The following PLD5 variants were observed in gnomAD, a reference collection of about 807,000 sequenced individuals.
PLD5 encodes the protein inactive phospholipase D5.
Under a neutral mutation model 61.1 loss-of-function variants are expected in PLD5, and 36 were observed. That is an observed-to-expected ratio of 0.59 (90% CI 0.45 to 0.78). PLD5 has a LOEUF of 0.78. Among genes scored for constraint, PLD5 ranks in the 30% least tolerant of loss-of-function variants. The pLI, the probability that PLD5 is intolerant of heterozygous loss-of-function variation, is 0.00. For synonymous variants in PLD5, 243 were observed against 242.8 expected (o/e 1.00, Z -0.01); for missense variants, 515 against 644.4 (o/e 0.80, Z 2.17).
chr1:242,129,819 A>G lies in PLD5; in HGVS notation c.736-5154T>C, dbSNP rs147669540. 2.0e-4 allele frequency among the ~76,000 whole-genome samples: 30 copies of G among 152,136 alleles called. No individual in the cohort carries two copies. The East Asian group carries it at 2.5e-3, about 13-fold the overall frequency. ...ATGCTCTCACCCTTCTGAATCTCCA[A>G]TGTCAATTATTCTACTCTCTATGTC... On this transcript the variant is annotated intron_variant, in intron 5 of 9. Coordinates refer to ENST00000536534, the MANE Select transcript of PLD5 (RefSeq NM_001372062.1).
chr1:242,321,916 T>G (rs370252368), intron 2 of PLD5, among the ~76,000 whole-genome samples: 4 of 152,182 alleles, frequency 2.6e-5, no homozygotes, highest in Admixed American at 6.5e-5. Flanking sequence ...GGGATTCTCT[T>G]TTTTAACTGA....
chr1:242,140,492 C>T (rs529320446), intron 5 of PLD5, among the ~76,000 whole-genome samples: 2 of 152,152 alleles, frequency 1.3e-5, no homozygotes, highest in East Asian at 3.9e-4. Context: ...CAAAAATTAG[C>T]CAGGCATGGT....
intron 4 of PLD5, among the ~76,000 whole-genome samples, chr1:242,259,201 G>A (rs1453469188): frequency 2.0e-5 from 3 of 151,966 alleles, no homozygotes; most frequent in Non-Finnish European, 4.4e-5. Flanking sequence ...CCCAGCTACT[G>A]GGGAGGCTGA....
chr1:242,165,986 C>T (rs2148861621), intron 5 of PLD5, among the ~76,000 whole-genome samples: 1 of 152,330 alleles, frequency 6.6e-6, no homozygotes, highest in South Asian at 2.1e-4. Context: ...CGAAGCGCTG[C>T]CCCGCACCAC....
chr1:242,287,049 T>C (rs1462303759), intron 3 of PLD5, among the ~76,000 whole-genome samples: 1 of 152,124 alleles, frequency 6.6e-6, no homozygotes, highest in Non-Finnish European at 1.5e-5. Context: ...CTTCTACCAG[T>C]GGAATAGATT....
chr1:242,127,419 C>T (rs371920249), intron 5 of PLD5, among the ~76,000 whole-genome samples: 9 of 152,120 alleles, frequency 5.9e-5, no homozygotes, highest in African/African-American at 1.7e-4. Context: ...CATCAATCAA[C>T]GAGTGGATAA....
chr1:242,178,610 G>A (rs1005054861), intron 5 of PLD5, among the ~76,000 whole-genome samples: 4 of 152,182 alleles, frequency 2.6e-5, no homozygotes, highest in African/African-American at 2.4e-5. Context: ...AGAGAAGGAT[G>A]TTTGTATTAT....
intron 1 of PLD5, among the ~76,000 whole-genome samples, chr1:242,421,176 CAAAAAAA>C (rs5782234): frequency 1.5e-5 from 1 of 65,154 alleles, no homozygotes; most frequent in South Asian, 5.7e-4. Context: ...GACTCCACCT[CAAAAAAA>C]AAAAAAAAAA....
intron 3 of PLD5, among the ~76,000 whole-genome samples, chr1:242,268,671 T>C (rs1004113556): frequency 6.6e-5 from 10 of 152,200 alleles, no homozygotes; most frequent in Non-Finnish European, 1.5e-4. Flanking sequence ...GTTTCCATAC[T>C]TAGGCTTGAG....
At position 242,421,123 on chromosome 1, in the gene PLD5, T is replaced by C. The variant is rs189406218; in HGVS notation, c.190-72881A>G. On this transcript the variant is annotated intron_variant, in intron 1 of 9. Coordinates refer to ENST00000536534, the MANE Select transcript of PLD5 (RefSeq NM_001372062.1). The stretch of plus-strand genomic sequence containing the variant: ...TGAACCCTGGAGGTGAAGGTTGCAG[T>C]GATCCGAGATCACGCCACTGCACTC... 3.7e-4 allele frequency among the ~76,000 whole-genome samples: 50 copies of C among 134,618 alleles called. 1 individual carries two copies. The East Asian group carries it at 8.6e-3, about 23-fold the overall frequency. 88.3% of individuals were successfully genotyped at this position (134,618 alleles called of 152,430 possible).
upstream of PLD5, among the ~76,000 whole-genome samples, chr1:242,527,056 T>A (rs12045993): frequency 1.3e-4 from 19 of 151,126 alleles, no homozygotes; most frequent in East Asian, 5.8e-4. Context: ...AGATTTTTTT[T>A]AAACTATACC....
rs566298589 is a variant in PLD5 at position 242,299,626 on chromosome 1, A to C, written c.327-11096T>G. On this transcript the variant is annotated intron_variant, in intron 2 of 9. Transcript: ENST00000536534. The stretch of plus-strand genomic sequence containing the variant: ...CAAATTCTGGGTGTTTTTCCCCCCA[A>C]GTCATGAATGTCCTGGGGCATGAGG... 7.9e-5 allele frequency among the ~76,000 whole-genome samples: 12 copies of C among 152,342 alleles called. No individual in the cohort carries two copies. In the South Asian group the frequency reaches 2.3e-3, roughly 29 times the overall value.
chr1:242,148,875 C>T (rs1389429052), intron 5 of PLD5, among the ~76,000 whole-genome samples: 2 of 151,880 alleles, frequency 1.3e-5, no homozygotes, highest in Non-Finnish European at 2.9e-5. Context: ...GATCTTATAT[C>T]ATAAAACTGT....
intron 2 of PLD5, among the ~76,000 whole-genome samples, chr1:242,335,539 G>T (rs59356994): frequency 2.6e-5 from 4 of 152,100 alleles, no homozygotes; most frequent in African/African-American, 9.7e-5. Context: ...TCAGTTACTA[G>T]TAAATAGCAT....
intron 2 of PLD5, among the ~76,000 whole-genome samples, chr1:242,327,375 A>G (rs1402753214): frequency 6.6e-6 from 1 of 152,220 alleles, no homozygotes; most frequent in Non-Finnish European, 1.5e-5. Flanking sequence ...TTCCTTCAGT[A>G]AATGAGTAAA....
intron 1 of PLD5, among the ~76,000 whole-genome samples, chr1:242,423,024 A>T (rs1455413043): frequency 6.6e-6 from 1 of 150,878 alleles, no homozygotes; most frequent in Admixed American, 6.6e-5. Context: ...ATTTTTTTTA[A>T]ATTTTTAGTA....
At chr1:242,253,305 CTTTTTTTTTTT>C (rs1181235404) in intron 4 of PLD5, among the ~76,000 whole-genome samples, 5 of 70,680 alleles carry the variant, frequency 7.1e-5, no homozygotes, top group African/African-American at 1.1e-4. Context: ...CCTCTCTTCA[CTTTTTTTTTTT>C]TTTTTTTTTT....
At chr1:242,148,765 G>C (rs975126500) in intron 5 of PLD5, among the ~76,000 whole-genome samples, 1 of 151,614 alleles carries the variant, frequency 6.6e-6, no homozygotes, top group Non-Finnish European at 1.5e-5. Context: ...ATTTCTAATT[G>C]CTCATGCTAT....
At chr1:242,140,379 C>T (rs192394452) in intron 5 of PLD5, among the ~76,000 whole-genome samples, 10 of 152,302 alleles carry the variant, frequency 6.6e-5, no homozygotes, top group East Asian at 1.9e-4. Context: ...CACTGTGGCT[C>T]ATGCCTGTAA....
Sources: gnomAD v4.1 joint callset for allele counts (sites outside exome capture counted in the v4.1 genomes callset) on GRCh38, gnomAD v4.1.1 for gene constraint, MANE v1.5 for transcripts, NCBI Gene and HGNC (gene_info 2026-07-23, HGNC 2026-07-21) for gene names.